The following SORCS3 variants were observed in gnomAD, a reference collection of about 807,000 sequenced individuals.
SORCS3 encodes VPS10 domain-containing receptor SorCS3.
In SORCS3, 57 loss-of-function variants were observed where a neutral mutation model predicts 146.3. That is an observed-to-expected ratio of 0.39 (90% CI 0.31 to 0.49). SORCS3 has a LOEUF of 0.49. Ranked by LOEUF, SORCS3 falls within the 20% of genes least tolerant of loss-of-function variation. The pLI is 0.92. For missense variants in SORCS3, 1,341 were observed against 1,575.5 expected, an observed-to-expected ratio of 0.85 and a Z score of 2.52; for synonymous variants, 653 against 618.5, an observed-to-expected ratio of 1.06 and a Z score of -0.83.
intron 16 of SORCS3, among the ~76,000 whole-genome samples, chr10:105,208,934 C>T (rs998173128): frequency 3.9e-5 from 6 of 152,110 alleles, no homozygotes; most frequent in African/African-American, 2.4e-5. Flanking sequence ...TCCTTCCTTC[C>T]TTCCAGCTTC....
chr10:105,088,125 G>T (rs985702051), intron 5 of SORCS3, among the ~76,000 whole-genome samples: 13 of 152,162 alleles, frequency 8.5e-5, no homozygotes, highest in Non-Finnish European at 1.9e-4. Context: ...GGAGATGAGT[G>T]GATAAGGACG....
intron 1 of SORCS3, among the ~76,000 whole-genome samples, chr10:104,773,366 T>G (rs1209222918): frequency 1.3e-5 from 2 of 152,244 alleles, no homozygotes; most frequent in Non-Finnish European, 1.5e-5. Context: ...GGTATGCTGT[T>G]GCCTAGTGAC....
intron 3 of SORCS3, among the ~76,000 whole-genome samples, chr10:104,929,681 C>T (rs965401643): frequency 6.6e-6 from 1 of 152,202 alleles, no homozygotes; most frequent in African/African-American, 2.4e-5. Context: ...AAGCCTATCC[C>T]AGCAGACTCA....
At chr10:105,126,943 G>A (rs2055979508) in intron 7 of SORCS3, among the ~76,000 whole-genome samples, 1 of 152,124 alleles carries the variant, frequency 6.6e-6, no homozygotes, top group South Asian at 2.1e-4. Context: ...CTTGTATGTT[G>A]TTTGCTTTCC....
intron 7 of SORCS3, among the ~76,000 whole-genome samples, chr10:105,130,589 C>A (rs530199689): frequency 3.3e-5 from 5 of 152,158 alleles, no homozygotes; most frequent in Non-Finnish European, 7.4e-5. Flanking sequence ...CCCCTACACA[C>A]ACACACCCAG....
intron 3 of SORCS3, among the ~76,000 whole-genome samples, chr10:104,940,366 A>G (rs1475843237): frequency 2.0e-5 from 3 of 146,672 alleles, no homozygotes; most frequent in Non-Finnish European, 4.5e-5. Context: ...TACATTAGGT[A>G]TATCTCCTAA....
chr10:105,151,477 A>T (rs1023453641), intron 9 of SORCS3, among the ~76,000 whole-genome samples: 2 of 152,124 alleles, frequency 1.3e-5, no homozygotes, highest in African/African-American at 4.8e-5. Context: ...AGGACATTAC[A>T]CCTGTTTCCC....
chr10:104,652,869 A>T (rs1201437983), intron 1 of SORCS3, among the ~76,000 whole-genome samples: 1 of 152,238 alleles, frequency 6.6e-6, no homozygotes, highest in East Asian at 1.9e-4. Flanking sequence ...TATGTGATGC[A>T]GACTGGACAC....
rs140042797 is a variant in SORCS3 at position 104,848,058 on chromosome 10, G to A, written c.695+5199G>A. On this transcript the variant is annotated intron_variant, in intron 2 of 26. Coordinates refer to ENST00000369701, the MANE Select transcript of SORCS3 (RefSeq NM_014978.3). ...TGTGAACTTCTCAAGGGCAGGGACC[G>A]TGTGCCTTAGTTGTTTCTGGATCAT... is the stretch of plus-strand genomic sequence containing the variant. Among the ~76,000 whole-genome samples, 1,008 of 152,212 alleles carry A rather than the reference G, an allele frequency of 6.6e-3. 10 individuals carry two copies. The highest frequency in any genetic ancestry group is 0.023 in the African/African-American group (953 of 41,518).
chr10:104,829,754 A>C (rs981720857), intron 1 of SORCS3, among the ~76,000 whole-genome samples: 24 of 152,244 alleles, frequency 1.6e-4, no homozygotes, highest in Middle Eastern at 6.8e-3. Context: ...GCAGTATTTC[A>C]CTTTACAGGG....
intron 25 of SORCS3, 71 bp from the exon 26 acceptor site, chr10:105,262,260 C>A (rs2056965128): frequency 1.4e-6 from 2 of 1,446,208 alleles, no homozygotes; most frequent in South Asian, 2.4e-5. Flanking sequence ...CCCTTATCCC[C>A]CAGGATTTCC....
rs67886313 is a variant in SORCS3, at chr10:105,163,883, T to TACACACAC, written c.1733-389_1733-382dup. ...ACACACAGACACACAGTTACGCACA[T>TACACACAC]ACACACACACACACACACACACACA... On this transcript the variant is annotated intron_variant, in intron 11 of 26. Coordinates refer to ENST00000369701, the MANE Select transcript of SORCS3 (RefSeq NM_014978.3). Among the ~76,000 whole-genome samples the TACACACAC allele has an allele frequency of 9.5e-3, 1,319 of 138,694 alleles. 42 individuals carry two copies. The highest frequency in any genetic ancestry group is 0.067 in the Admixed American group (943 of 14,046). 91.0% of individuals were successfully genotyped at this position (138,694 alleles called of 152,430 possible).
chr10:104,974,227 T>A (rs2054879752), intron 3 of SORCS3, among the ~76,000 whole-genome samples: 1 of 152,200 alleles, frequency 6.6e-6, no homozygotes. Flanking sequence ...GGTGCAGAGC[T>A]GAGTTCAATT....
At chr10:104,821,007 C>A (rs982694549) in intron 1 of SORCS3, among the ~76,000 whole-genome samples, 1 of 152,144 alleles carries the variant, frequency 6.6e-6, no homozygotes, top group African/African-American at 2.4e-5. Flanking sequence ...ACAGAAAGGA[C>A]TAGATGTTTA....
intron 5 of SORCS3, among the ~76,000 whole-genome samples, chr10:105,052,469 C>T (rs541588365): frequency 4.3e-4 from 66 of 152,248 alleles, no homozygotes; most frequent in African/African-American, 1.5e-3. Flanking sequence ...ACTTTATTTT[C>T]ACTCACTGAT....
intron 2 of SORCS3, among the ~76,000 whole-genome samples, chr10:104,860,452 G>A (rs766053353): frequency 3.4e-4 from 50 of 145,306 alleles, no homozygotes; most frequent in Non-Finnish European, 3.5e-4. Flanking sequence ...GTAGCATTAG[G>A]AGATATACCT....
intron 20 of SORCS3, among the ~76,000 whole-genome samples, chr10:105,233,413 T>C (rs1009837130): frequency 2.0e-5 from 3 of 152,192 alleles, no homozygotes; most frequent in African/African-American, 4.8e-5. Context: ...TTTTCTTTCT[T>C]TTTTTAATTA....
chr10:105,198,373 A>G (rs1348502503), intron 14 of SORCS3, among the ~76,000 whole-genome samples: 1 of 152,154 alleles, frequency 6.6e-6, no homozygotes, highest in African/African-American at 2.4e-5. Flanking sequence ...AAAGATATCC[A>G]TCAAGGTCTC....
chr10:104,762,753 A>G (rs1189013975), intron 1 of SORCS3, among the ~76,000 whole-genome samples: 1 of 152,176 alleles, frequency 6.6e-6, no homozygotes, highest in Non-Finnish European at 1.5e-5. Flanking sequence ...GGTGCCATGT[A>G]AGACATCCTT....
Sources: allele counts gnomAD v4.1 joint callset (sites outside exome capture counted in the v4.1 genomes callset), GRCh38; gene constraint gnomAD v4.1.1; transcripts MANE v1.5; gene names NCBI Gene and HGNC (gene_info 2026-07-23, HGNC 2026-07-21).